The following ANKDD1A variants were observed in gnomAD, a reference collection of about 807,000 sequenced individuals.
ANKDD1A encodes ankyrin repeat and death domain-containing protein 1A.
Under a neutral mutation model 63.5 loss-of-function variants are expected in ANKDD1A, and 59 were observed. The observed-to-expected ratio is 0.93, with a 90% CI of 0.75 to 1.15. The LOEUF is 1.15. ANKDD1A is among the 50% of genes most tolerant of loss of function. The pLI is 0.00. For missense variants in ANKDD1A, 632 were observed against 656.4 expected (o/e 0.96, Z 0.41); for synonymous variants, 266 against 263.9 (o/e 1.01, Z -0.08).
At chr15:64,943,345 A>G (rs1186130196) in intron 10 of ANKDD1A, 139 bp from the exon 11 acceptor site, 1 of 731,184 alleles carries the variant, frequency 1.4e-6, no homozygotes, top group African/African-American at 1.8e-5. Flanking sequence ...TCATGTATGT[A>G]AAACCAACAA....
intron 4 of ANKDD1A, among the ~76,000 whole-genome samples, chr15:64,924,886 G>A (rs1478413866): frequency 2.6e-5 from 4 of 152,138 alleles, no homozygotes; most frequent in African/African-American, 9.7e-5. Context: ...AGAGGGAAGT[G>A]TCCTTCTCAT....
chr15:64,926,499 G>A (rs930816909), intron 5 of ANKDD1A, among the ~76,000 whole-genome samples: 1 of 152,114 alleles, frequency 6.6e-6, no homozygotes, highest in Non-Finnish European at 1.5e-5. Context: ...GTTGGAGAGG[G>A]CACCAAATGG....
chr15:64,952,973 T>TTGTC (rs374431839), intron 14 of ANKDD1A, among the ~76,000 whole-genome samples: 72,531 of 115,774 alleles, frequency 0.63, 19,636 homozygotes, highest in East Asian at 0.86. Context: ...TCTTCTTTTC[T>TTGTC]TCTTGTCTCT....
chr15:64,943,458 A>G (rs748785507), intron 10 of ANKDD1A, 26 bp from the exon 11 acceptor site: 1 of 1,609,260 alleles, frequency 6.2e-7, no homozygotes, highest in South Asian at 1.1e-5. Context: ...CTTTTCACTT[A>G]CCTATTCCCT....
intron 10 of ANKDD1A, 116 bp from the exon 11 acceptor site, chr15:64,943,368 C>A (rs1376526744): frequency 3.1e-5 from 25 of 808,064 alleles, no homozygotes; most frequent in Non-Finnish European, 4.9e-5. Flanking sequence ...TGAAAACATT[C>A]TGCATTAAAG....
At chr15:64,940,442 A>AGAT (rs1555442482) in intron 9 of ANKDD1A, among the ~76,000 whole-genome samples, 1 of 149,066 alleles carries the variant, frequency 6.7e-6, no homozygotes, top group Non-Finnish European at 1.5e-5. Context: ...ATATATAGAT[A>AGAT]TTTTTTTTGA....
intron 14 of ANKDD1A, chr15:64,951,462 C>CTTT (rs1595858237): frequency 0.047 from 1,242 of 26,524 alleles, 70 homozygotes; most frequent in South Asian, 0.42. Flanking sequence ...CTTTTCTTTT[C>CTTT]TCTTTTTTCT....
At chr15:64,918,964 A>G (rs2084989676) in intron 3 of ANKDD1A, among the ~76,000 whole-genome samples, 1 of 152,124 alleles carries the variant, frequency 6.6e-6, no homozygotes, top group Non-Finnish European at 1.5e-5. Flanking sequence ...AAAAAAAAAA[A>G]AGAATCCTCT....
intron 14 of ANKDD1A, chr15:64,950,428 C>A: frequency 1.0e-6 from 1 of 985,388 alleles, no homozygotes; most frequent in Non-Finnish European, 1.2e-6. Context: ...GTATGCCAAT[C>A]TCAAAAGCCT....
chr15:64,943,643 C>A, intron 11 of ANKDD1A, 61 bp downstream of exon 11: 2 of 1,493,262 alleles, frequency 1.3e-6, no homozygotes, highest in Non-Finnish European at 1.9e-6. Flanking sequence ...TGCCAGAGAC[C>A]CTGCTACGAA....
chr15:64,922,239 T>A (rs2085013057), intron 4 of ANKDD1A: 1 of 548,740 alleles, frequency 1.8e-6, no homozygotes, highest in East Asian at 3.0e-5. Context: ...AAGAGAGAAA[T>A]CAAAGTAACT....
intron 14 of ANKDD1A, among the ~76,000 whole-genome samples, chr15:64,955,359 G>A (rs2085408247): frequency 6.6e-6 from 1 of 152,106 alleles, no homozygotes; most frequent in Admixed American, 6.6e-5. Flanking sequence ...GCCACCTGAG[G>A]CTGTCATGCA....
intron 14 of ANKDD1A, among the ~76,000 whole-genome samples, chr15:64,951,681 T>TTCTTC (rs1187237679): frequency 5.4e-4 from 18 of 33,436 alleles, no homozygotes; most frequent in East Asian, 6.0e-3. Flanking sequence ...TCTTTCCTTC[T>TTCTTC]TTCTTCTTCC....
At chr15:64,932,747 C>G (rs2085101173) in intron 8 of ANKDD1A, 1 of 151,910 alleles carries the variant, frequency 6.6e-6, no homozygotes, top group South Asian at 2.1e-4. Context: ...AAATGTTATG[C>G]TAAAAAATAT....
chr15:64,951,702 C>T (rs1270663234), intron 14 of ANKDD1A, among the ~76,000 whole-genome samples: 2 of 51,698 alleles, frequency 3.9e-5, no homozygotes, highest in Non-Finnish European at 9.6e-5. Flanking sequence ...TCTTCTTCTT[C>T]CTTATTTTCT....
At chr15:64,941,870 G>C (rs1482900575) in intron 9 of ANKDD1A, among the ~76,000 whole-genome samples, 2 of 152,150 alleles carry the variant, frequency 1.3e-5, no homozygotes, top group African/African-American at 4.8e-5. Context: ...TCTGGTCCCA[G>C]CTGGCTCTTT....
chr15:64,948,693 G>A (rs72739223), intron 13 of ANKDD1A, among the ~76,000 whole-genome samples: 1,554 of 152,024 alleles, frequency 0.01, 14 homozygotes, highest in Non-Finnish European at 0.014. Flanking sequence ...GGGCATGATG[G>A]TCGGGTCCTG....
chr15:64,957,805 A>ATAAT lies in ANKDD1A; in HGVS notation c.*620_*623dup, dbSNP rs1438489386. 2 of 152,230 alleles carry ATAAT rather than the reference A, an allele frequency of 1.3e-5. No individual in the cohort carries two copies. The highest frequency in any genetic ancestry group is 2.4e-5 in the African/African-American group (1 of 41,450). The allele number at this position is 152,230 out of a possible 1,614,324, so 9.4% of individuals were successfully genotyped here. A position where few individuals can be genotyped will look rare whatever the true frequency, so the allele number is the denominator to read the frequency against. Reference sequence around the variant, plus strand: ...CTCAGTGAAGCATTTTATTAAAAGAATAATTATAATTAAAAAAACACGATA... The same window carrying ATAAT: ...CTCAGTGAAGCATTTTATTAAAAGAATAATTAATTATAATTAAAAAAACACGATA... On this transcript the variant is annotated 3_prime_UTR_variant, in exon 15 of 15. Coordinates refer to ENST00000319580, the MANE Select transcript of ANKDD1A (RefSeq NM_182703.6).
chr15:64,949,715 G>C, intron 13 of ANKDD1A, 126 bp from the exon 14 acceptor site: 1 of 1,412,964 alleles, frequency 7.1e-7, no homozygotes, highest in Non-Finnish European at 9.5e-7. Flanking sequence ...GGGCCTTGGA[G>C]GCTTTTGGCC....
Sources: allele counts gnomAD v4.1 joint callset (sites outside exome capture counted in the v4.1 genomes callset), GRCh38; gene constraint gnomAD v4.1.1; transcripts MANE v1.5; gene names NCBI Gene and HGNC (gene_info 2026-07-23, HGNC 2026-07-21).